The following RAB28 variants were observed in gnomAD, a reference collection of about 807,000 sequenced individuals.
RAB28 encodes ras-related protein Rab-28.
A neutral mutation model predicts 31.7 loss-of-function variants in RAB28; 24 were observed. That is an observed-to-expected ratio of 0.76 (90% CI 0.55 to 1.06). The LOEUF is 1.06. RAB28 is among the 50% of genes least tolerant of loss of function. RAB28 has a pLI of 0.00. For synonymous variants in RAB28, 100 were observed against 90.4 expected (o/e 1.11, Z -0.60); for missense variants, 254 against 258.5 (o/e 0.98, Z 0.12).
intron 4 of RAB28, among the ~76,000 whole-genome samples, chr4:13,445,809 T>C (rs1290242257): frequency 6.6e-6 from 1 of 152,212 alleles, no homozygotes; most frequent in Non-Finnish European, 1.5e-5. Flanking sequence ...TTGGGAGGTC[T>C]CTCCCAGTCA....
chr4:13,382,843 C>A (rs896436988), intron 4 of RAB28, among the ~76,000 whole-genome samples: 2 of 151,632 alleles, frequency 1.3e-5, no homozygotes, highest in Admixed American at 1.3e-4. Context: ...GGATTACAGG[C>A]GCCTGCCACC....
chr4:13,446,003 G>C (rs1421278565), intron 4 of RAB28, among the ~76,000 whole-genome samples: 1 of 152,136 alleles, frequency 6.6e-6, no homozygotes, highest in Non-Finnish European at 1.5e-5. Flanking sequence ...TCTATCCAAG[G>C]GAGATGAGAG....
intron 4 of RAB28, among the ~76,000 whole-genome samples, chr4:13,428,944 C>CTTTT (rs35547595): frequency 7.5e-6 from 1 of 133,538 alleles, no homozygotes; most frequent in African/African-American, 2.7e-5. Flanking sequence ...TCTAATTTCA[C>CTTTT]TTTTTTTTTT....
chr4:13,466,485 C>T (rs1390742205), intron 3 of RAB28, among the ~76,000 whole-genome samples: 1 of 151,648 alleles, frequency 6.6e-6, no homozygotes, highest in Non-Finnish European at 1.5e-5. Context: ...AAATTAAAAG[C>T]AAAATAAATT....
rs913407430 is a variant in RAB28 at position 13,438,930 on chromosome 4, C to T, written c.391+21769G>A. On this transcript the variant is annotated intron_variant, in intron 4 of 6. Transcript: ENST00000330852. ...GGGTTCCAAGTTATCCACAGCCTCA[C>T]CAGCACTTGTTATTCTATTCTTTTT... Among the ~76,000 whole-genome samples, 13 of 152,252 alleles carry T rather than the reference C, an allele frequency of 8.5e-5. No individual in the cohort carries two copies. The East Asian group carries it at 1.5e-3, about 18-fold the overall frequency.
At chr4:13,371,483 A>G (rs1728710939) in intron 6 of RAB28, 2 of 985,240 alleles carry the variant, frequency 2.0e-6, no homozygotes, top group Admixed American at 6.2e-5. Context: ...CCTGTGCTCA[A>G]AACATTTTGG....
At chr4:13,425,402 A>G (rs1713417874) in intron 4 of RAB28, among the ~76,000 whole-genome samples, 1 of 152,208 alleles carries the variant, frequency 6.6e-6, no homozygotes, top group South Asian at 2.1e-4. Context: ...AATTCCATGT[A>G]AAACTATTTC....
intron 6 of RAB28, chr4:13,371,875 G>T: frequency 6.5e-7 from 1 of 1,533,572 alleles, no homozygotes; most frequent in South Asian, 1.2e-5. Flanking sequence ...GCCCTAAGAG[G>T]AAAAGAGTTA....
At chr4:13,412,027 A>AG (rs1192135863) in intron 4 of RAB28, among the ~76,000 whole-genome samples, 1 of 151,986 alleles carries the variant, frequency 6.6e-6, no homozygotes, top group Non-Finnish European at 1.5e-5. Context: ...AGTCAAAAAA[A>AG]AAAAAAAGAT....
At chr4:13,469,287 G>A (rs1188220650) in intron 3 of RAB28, among the ~76,000 whole-genome samples, 6 of 151,980 alleles carry the variant, frequency 3.9e-5, no homozygotes, top group Non-Finnish European at 7.4e-5. Context: ...CATGTCTCAT[G>A]TCCCAGATAA....
chr4:13,373,414 T>C (rs1728792253), intron 6 of RAB28, among the ~76,000 whole-genome samples: 2 of 152,044 alleles, frequency 1.3e-5, no homozygotes, highest in African/African-American at 2.4e-5. Flanking sequence ...TTAACCAAAT[T>C]GGGAATTGTG....
intron 4 of RAB28, among the ~76,000 whole-genome samples, chr4:13,418,512 G>C (rs1002472503): frequency 6.6e-6 from 1 of 152,168 alleles, no homozygotes; most frequent in African/African-American, 2.4e-5. Context: ...AGAAAAGTCG[G>C]GTTACTCACA....
Position 13,417,091 on chromosome 4 carries a change from A to G in RAB28, c.392-35497T>C, listed in dbSNP as rs147522143. Among the ~76,000 whole-genome samples the G allele has an allele frequency of 4.7e-3, 714 of 152,340 alleles. 6 individuals are homozygous for G. Among genetic ancestry groups the G allele is most frequent in the African/African-American group, 0.016 (664 of 41,580 alleles). ...GGCACATCAGGAGATTATATCCTGC[A>G]CATGGCTCGGCAGGTCCCATGCCTA... On this transcript the variant is annotated intron_variant, in intron 4 of 6. Coordinates refer to ENST00000330852, the MANE Select transcript of RAB28 (RefSeq NM_001017979.3).
chr4:13,401,377 C>G (rs76183178), intron 4 of RAB28, among the ~76,000 whole-genome samples: 8,709 of 151,952 alleles, frequency 0.057, 571 homozygotes, highest in African/African-American at 0.16. Flanking sequence ...TGGCCTGTTG[C>G]GGGGAGGGAG....
chr4:13,467,897 T>C lies in RAB28; in HGVS notation c.261+6421A>G, dbSNP rs147414902. On this transcript the variant is annotated intron_variant, in intron 3 of 6. Coordinates refer to ENST00000330852, the MANE Select transcript of RAB28 (RefSeq NM_001017979.3). ...GCCTACGGAAAACTGACCTTACATA[T>C]AAAGACACAAACAGGTTAATAGTAA... Among the ~76,000 whole-genome samples the C allele has an allele frequency of 4.6e-3, 692 of 151,724 alleles. 5 individuals are homozygous for C. The highest frequency in any genetic ancestry group is 0.016 in the African/African-American group (660 of 41,396).
intron 4 of RAB28, 72 bp downstream of exon 4, chr4:13,460,627 G>T: frequency 6.4e-7 from 1 of 1,568,814 alleles, no homozygotes; most frequent in South Asian, 1.1e-5. Flanking sequence ...TGGGGGTGGT[G>T]GGGGGACACA....
At chr4:13,386,490 A>G (rs1486448092) in intron 4 of RAB28, among the ~76,000 whole-genome samples, 3 of 152,168 alleles carry the variant, frequency 2.0e-5, no homozygotes, top group African/African-American at 7.2e-5. Context: ...CATGCATCCA[A>G]CTAACATGAA....
intron 4 of RAB28, among the ~76,000 whole-genome samples, chr4:13,419,929 C>G (rs1016883849): frequency 4.7e-5 from 7 of 149,242 alleles, no homozygotes; most frequent in African/African-American, 1.7e-4. Flanking sequence ...AATAGAGACA[C>G]AAAAAACCCT....
At chr4:13,476,847 C>T (rs1161818656) in intron 2 of RAB28, among the ~76,000 whole-genome samples, 1 of 151,434 alleles carries the variant, frequency 6.6e-6, no homozygotes, top group Non-Finnish European at 1.5e-5. Flanking sequence ...TCCTGTTCCT[C>T]TGTAAGAAAT....
Sources: gnomAD v4.1 joint callset for allele counts (sites outside exome capture counted in the v4.1 genomes callset) on GRCh38, gnomAD v4.1.1 for gene constraint, MANE v1.5 for transcripts, NCBI Gene and HGNC (gene_info 2026-07-23, HGNC 2026-07-21) for gene names.